The following SHANK2 variants were observed in gnomAD, a reference collection of about 807,000 sequenced individuals.
The protein encoded by SHANK2 is SH3 and multiple ankyrin repeat domains 2, also known as SH3 and multiple ankyrin repeat domains protein 2.
Under a neutral mutation model 133.7 loss-of-function variants are expected in SHANK2, and 43 were observed. The observed-to-expected ratio is 0.32, with a 90% CI of 0.25 to 0.41. The LOEUF (loss-of-function observed/expected upper bound fraction) is 0.41, where lower values mean the gene tolerates loss of function less well. Among genes scored for constraint, SHANK2 ranks in the 10% least tolerant of loss-of-function variants. The probability of loss-of-function intolerance (pLI) is 1.00; values close to 1 mark genes in which losing one functional copy is unlikely to be tolerated. For synonymous variants in SHANK2, 1,017 were observed against 952.8 expected (o/e 1.07, Z -1.24); for missense variants, 1,994 against 2,235.8 (o/e 0.89, Z 2.18).
At position 71,092,540 on chromosome 11, in the gene SHANK2, A is replaced by G. The variant is rs1951537446; in HGVS notation, c.794T>C (p.Leu265Pro). The G allele has an allele frequency of 6.4e-7, 1 of 1,551,910 alleles. No individual in the cohort carries two copies. ...GATGGCTGTGTGATACAGCGGGGTG[A>G]GGCCGTAACTGTCTTTATAATCTGG... Reference protein sequence around the residue: ...ASPDYKDSYGLTPLYHTAIVG... With the variant: ...ASPDYKDSYGPTPLYHTAIVG... Residue 265 changes from leucine to proline, a missense_variant, in exon 8 of 26, where the codon CTC becomes CCC. By Grantham distance (98) the Leu-to-Pro change is moderately conservative (BLOSUM62 -3). Coordinates refer to ENST00000601538, the MANE Select transcript of SHANK2 (RefSeq NM_012309.5).
intron 17 of SHANK2, among the ~76,000 whole-genome samples, chr11:70,567,634 GAAAA>G (rs797035073): frequency 2.4e-5 from 3 of 127,604 alleles, no homozygotes; most frequent in Non-Finnish European, 5.1e-5. Context: ...TCTCACAAAA[GAAAA>G]AAAAAAAAAG....
chr11:70,944,471 G>C (rs1311873463), intron 10 of SHANK2, among the ~76,000 whole-genome samples: 1 of 152,218 alleles, frequency 6.6e-6, no homozygotes, highest in South Asian at 2.1e-4. Context: ...GAGAACACGT[G>C]CATCTGAAAC....
intron 11 of SHANK2, chr11:70,826,634 A>C: frequency 2.2e-6 from 1 of 448,140 alleles, no homozygotes; most frequent in Non-Finnish European, 4.6e-6. Context: ...GTGTCTGGGC[A>C]CGGTGCACTT....
chr11:70,954,396 C>A (rs1406551912), intron 10 of SHANK2, among the ~76,000 whole-genome samples: 2 of 152,240 alleles, frequency 1.3e-5, no homozygotes, highest in Non-Finnish European at 2.9e-5. Flanking sequence ...CTGCAGAGTG[C>A]ACAGCCACTG....
At chr11:70,510,742 G>C (rs980306958) in intron 17 of SHANK2, among the ~76,000 whole-genome samples, 2 of 152,180 alleles carry the variant, frequency 1.3e-5, no homozygotes, top group African/African-American at 4.8e-5. Flanking sequence ...AGCACAGTGA[G>C]TCCTAGGGGT....
chr11:71,230,245 C>A (rs1294469567), intron 1 of SHANK2, among the ~76,000 whole-genome samples: 1 of 151,864 alleles, frequency 6.6e-6, no homozygotes, highest in Non-Finnish European at 1.5e-5. Flanking sequence ...AGTTGAGATG[C>A]CACTGCACTC....
intron 15 of SHANK2, chr11:70,662,052 A>G: frequency 4.0e-6 from 2 of 504,592 alleles, no homozygotes; most frequent in Non-Finnish European, 7.2e-6. Flanking sequence ...CGGCGGCGGC[A>G]GCGGCGGCCT....
intron 3 of SHANK2, among the ~76,000 whole-genome samples, chr11:71,134,503 G>A (rs1212239430): frequency 5.5e-5 from 8 of 146,600 alleles, no homozygotes; most frequent in Admixed American, 1.4e-4. Context: ...ACAGTGGCAC[G>A]ATCTCGGCTC....
intron 17 of SHANK2, among the ~76,000 whole-genome samples, chr11:70,507,490 C>G (rs1554968606): frequency 6.6e-6 from 1 of 152,240 alleles, no homozygotes; most frequent in African/African-American, 2.4e-5. Context: ...TGCCCAGAAT[C>G]TTTCCCCTGC....
intron 2 of SHANK2, among the ~76,000 whole-genome samples, chr11:71,220,417 T>C (rs1201710025): frequency 1.3e-5 from 2 of 152,134 alleles, no homozygotes; most frequent in Admixed American, 6.5e-5. Flanking sequence ...TGCCATTCCA[T>C]TTCTGGGGGT....
chr11:70,652,699 T>C (rs1489036674), intron 17 of SHANK2, among the ~76,000 whole-genome samples: 1 of 151,950 alleles, frequency 6.6e-6, no homozygotes, highest in African/African-American at 2.4e-5. Flanking sequence ...TAGTCTGAAC[T>C]ACTTGGAAGG....
At chr11:70,553,869 T>C (rs1288717386) in intron 17 of SHANK2, among the ~76,000 whole-genome samples, 2 of 152,230 alleles carry the variant, frequency 1.3e-5, no homozygotes, top group African/African-American at 4.8e-5. Flanking sequence ...GAGTCACTCC[T>C]CATCCAGGTG....
intron 10 of SHANK2, among the ~76,000 whole-genome samples, chr11:70,914,348 G>A (rs908695908): frequency 1.3e-5 from 2 of 151,772 alleles, no homozygotes; most frequent in East Asian, 3.9e-4. Flanking sequence ...CAATACCCAG[G>A]CTTTTCTGGC....
At chr11:71,163,906 C>T (rs34948420) in intron 2 of SHANK2, among the ~76,000 whole-genome samples, 1 of 152,180 alleles carries the variant, frequency 6.6e-6, no homozygotes, top group African/African-American at 2.4e-5. Context: ...AATTAATAGG[C>T]TTTATTTTTC....
intron 2 of SHANK2, among the ~76,000 whole-genome samples, chr11:71,219,171 G>A (rs1225053075): frequency 1.3e-5 from 2 of 152,216 alleles, no homozygotes; most frequent in African/African-American, 4.8e-5. Flanking sequence ...AATGCGCTGA[G>A]ATCATTTAGA....
intron 11 of SHANK2, among the ~76,000 whole-genome samples, chr11:70,823,507 A>G (rs1276675978): frequency 6.5e-4 from 45 of 68,806 alleles, no homozygotes; most frequent in East Asian, 1.6e-3. Flanking sequence ...CATTGGCAGA[A>G]CTCATGAGGG....
chr11:70,523,467 C>T (rs1436445500), intron 17 of SHANK2, among the ~76,000 whole-genome samples: 1 of 152,214 alleles, frequency 6.6e-6, no homozygotes, highest in Non-Finnish European at 1.5e-5. Context: ...TTCTGGCAGT[C>T]TATCCATGAG....
At chr11:70,543,224 C>G (rs1280850638) in intron 17 of SHANK2, among the ~76,000 whole-genome samples, 3 of 152,172 alleles carry the variant, frequency 2.0e-5, no homozygotes, top group African/African-American at 7.2e-5. Context: ...ATTTGGTTTT[C>G]CTCTCCTCTA....
intron 15 of SHANK2, among the ~76,000 whole-genome samples, 178 bp downstream of exon 15, chr11:70,698,510 A>T (rs1482270176): frequency 6.6e-6 from 1 of 152,220 alleles, no homozygotes; most frequent in African/African-American, 2.4e-5. Context: ...GGCACCAAGT[A>T]CACCTCTCAG....
Sources: gnomAD v4.1 joint callset for allele counts (sites outside exome capture counted in the v4.1 genomes callset) on GRCh38, gnomAD v4.1.1 for gene constraint, MANE v1.5 for transcripts, NCBI Gene and HGNC (gene_info 2026-07-23, HGNC 2026-07-21) for gene names.